CFAP276: variants seen among roughly 807,000 people sequenced by gnomAD.
The protein encoded by CFAP276 is cilia- and flagella-associated protein 276.
the CFAP276 span, among the ~76,000 whole-genome samples, chr1:109,112,205 A>G: frequency 4.6e-5 from 7 of 152,236 alleles, no homozygotes; most frequent in African/African-American, 1.7e-4. Context: ...AGACAGTGTG[A>G]ACACAGATGT....
the CFAP276 span, among the ~76,000 whole-genome samples, chr1:109,110,799 C>T: frequency 6.6e-6 from 1 of 152,194 alleles, no homozygotes. Context: ...ACCACAGTCA[C>T]TACAAAAACA....
chr1:109,112,286 A>G, the CFAP276 span, among the ~76,000 whole-genome samples: 1 of 152,222 alleles, frequency 6.6e-6, no homozygotes, highest in Non-Finnish European at 1.5e-5. Flanking sequence ...TTCAGAGAAC[A>G]GTCTTCCAAA....
chr1:109,108,018 G>A, the CFAP276 span: 2 of 1,606,204 alleles, frequency 1.2e-6, no homozygotes, highest in Non-Finnish European at 1.7e-6. Context: ...AAGGTGTGTT[G>A]GGTTCTTATA....
the CFAP276 span, chr1:109,107,141 C>A: frequency 6.2e-6 from 10 of 1,601,936 alleles, no homozygotes; most frequent in South Asian, 2.2e-5. Flanking sequence ...GTCAGTCCCC[C>A]CCAAGGTTAG....
At chr1:109,113,415 AAAGAGAGAGAGAGAGAGAGAGAG>A in the CFAP276 span, among the ~76,000 whole-genome samples, 3 of 113,750 alleles carry the variant, frequency 2.6e-5, no homozygotes, top group African/African-American at 7.2e-5. Context: ...AGAGAGAGAG[AAAGAGAGAGAGAGAGAGAGAGAG>A]AGAGAGAGAG....
the CFAP276 span, chr1:109,105,973 A>C: frequency 2.1e-5 from 29 of 1,397,460 alleles, no homozygotes; most frequent in Non-Finnish European, 2.7e-5. Context: ...AAATCTATTT[A>C]ATGGAAGTGG....
the CFAP276 span, chr1:109,113,548 C>G: frequency 5.5e-6 from 8 of 1,442,742 alleles, no homozygotes; most frequent in Non-Finnish European, 7.8e-6. Context: ...GTCAGGGCTT[C>G]TCTTCTAGCC....
At chr1:109,107,028 T>G in the CFAP276 span, 1 of 1,614,176 alleles carries the variant, frequency 6.2e-7, no homozygotes, top group Non-Finnish European at 8.5e-7. Context: ...CTGCGTGGTT[T>G]TCTGGTTTAA....
At chr1:109,110,759 G>A in the CFAP276 span, among the ~76,000 whole-genome samples, 1 of 152,146 alleles carries the variant, frequency 6.6e-6, no homozygotes, top group African/African-American at 2.4e-5. Context: ...TCTCAATCCT[G>A]TTGCCTACTA....
the CFAP276 span, chr1:109,112,895 A>C: frequency 9.8e-5 from 64 of 654,712 alleles, no homozygotes; most frequent in Non-Finnish European, 1.4e-4. Context: ...CGGGGACTGC[A>C]GAGGGAACGT....
the CFAP276 span, chr1:109,113,807 C>CA: frequency 1.0e-6 from 1 of 997,922 alleles, no homozygotes; most frequent in African/African-American, 1.6e-5. Context: ...CTGTGTTCTT[C>CA]ACACGAGCCC....
the CFAP276 span, chr1:109,112,452 T>C: frequency 8.4e-7 from 1 of 1,192,276 alleles, no homozygotes; most frequent in East Asian, 2.7e-5. Context: ...AATATGGAGA[T>C]AGGGAGGCAG....
At chr1:109,112,502 C>T in the CFAP276 span, 2 of 1,467,618 alleles carry the variant, frequency 1.4e-6, no homozygotes, top group African/African-American at 1.4e-5. Flanking sequence ...TGAGTGTCTT[C>T]ACCAGAGTCC....
At chr1:109,106,850 G>T in the CFAP276 span, 1 of 857,210 alleles carries the variant, frequency 1.2e-6, no homozygotes. Context: ...CTTAGACAGT[G>T]AAAATACAGA....
the CFAP276 span, chr1:109,106,629 T>A: frequency 5.6e-6 from 9 of 1,613,936 alleles, no homozygotes; most frequent in Non-Finnish European, 7.6e-6. Flanking sequence ...TGGGAGGGGT[T>A]AAAAATTCTC....
the CFAP276 span, among the ~76,000 whole-genome samples, chr1:109,112,125 C>T: frequency 3.3e-5 from 5 of 152,154 alleles, no homozygotes; most frequent in Non-Finnish European, 7.4e-5. Flanking sequence ...ATCTAAGTTC[C>T]GAAATCAGTG....
the CFAP276 span, chr1:109,113,600 C>T: frequency 7.4e-6 from 12 of 1,611,926 alleles, no homozygotes; most frequent in Admixed American, 3.3e-5. Flanking sequence ...TGTAAGATCT[C>T]CAGGAGTGGC....
At chr1:109,107,091 G>C in the CFAP276 span, 1 of 1,614,136 alleles carries the variant, frequency 6.2e-7, no homozygotes, top group South Asian at 1.1e-5. Flanking sequence ...GTACAAGGCT[G>C]CTAAGCGGAA....
At chr1:109,107,965 TG>T in the CFAP276 span, 2 of 1,613,486 alleles carry the variant, frequency 1.2e-6, no homozygotes, top group Non-Finnish European at 1.7e-6. Context: ...GAAGTAATTG[TG>T]GGGGTTGAGT....
Sources: allele counts gnomAD v4.1 joint callset (sites outside exome capture counted in the v4.1 genomes callset), GRCh38; gene constraint gnomAD v4.1.1; transcripts MANE v1.5; gene names NCBI Gene and HGNC (gene_info 2026-07-23, HGNC 2026-07-21).